Variants in CSMD3 observed in about 807,000 individuals in gnomAD.
CSMD3 encodes the protein CUB and Sushi multiple domains 3, also known as CUB and sushi domain-containing protein 3.
CSMD3 carries 177 observed loss-of-function variants against 435.2 expected under a neutral mutation model. That is an observed-to-expected ratio of 0.41 (90% CI 0.36 to 0.46). The LOEUF is 0.46. Ranked by LOEUF, CSMD3 falls within the 20% of genes least tolerant of loss-of-function variation. The pLI, the probability that CSMD3 is intolerant of heterozygous loss-of-function variation, is 0.34. For missense variants in CSMD3, 4,265 were observed against 4,504.6 expected (o/e 0.95, Z 1.52); for synonymous variants, 1,656 against 1,520.5 (o/e 1.09, Z -2.07).
chr8:113,274,841 A>AAG (rs897384040), intron 3 of CSMD3, among the ~76,000 whole-genome samples: 5 of 143,792 alleles, frequency 3.5e-5, no homozygotes, highest in Non-Finnish European at 6.1e-5. Context: ...CACAGAGAGA[A>AAG]AGAGAGAGAG....
intron 13 of CSMD3, among the ~76,000 whole-genome samples, chr8:112,715,490 G>C (rs1196706306): frequency 6.6e-6 from 1 of 152,148 alleles, no homozygotes; most frequent in Non-Finnish European, 1.5e-5. Flanking sequence ...AATGCTGCCA[G>C]AGGTACAAAG....
intron 63 of CSMD3, among the ~76,000 whole-genome samples, chr8:112,249,275 C>T (rs146397824): frequency 6.6e-6 from 1 of 152,138 alleles, no homozygotes; most frequent in East Asian, 1.9e-4. Context: ...CAGTTTACAT[C>T]CAGTTTTACT....
At chr8:112,806,183 CT>C (rs1165441495) in intron 12 of CSMD3, among the ~76,000 whole-genome samples, 2 of 152,172 alleles carry the variant, frequency 1.3e-5, no homozygotes, top group Admixed American at 6.6e-5. Flanking sequence ...TCCTCGGATC[CT>C]TTTATTTGGT....
intron 12 of CSMD3, among the ~76,000 whole-genome samples, chr8:112,805,768 T>C (rs984017864): frequency 3.3e-5 from 5 of 152,228 alleles, no homozygotes; most frequent in African/African-American, 1.2e-4. Flanking sequence ...GCTGTTTTAC[T>C]TAGAAAGGAG....
At chr8:112,939,734 C>T (rs2083392532) in intron 9 of CSMD3, among the ~76,000 whole-genome samples, 1 of 151,790 alleles carries the variant, frequency 6.6e-6, no homozygotes, top group South Asian at 2.1e-4. Context: ...GAAAGGAGAT[C>T]AGATTCTTGA....
intron 24 of CSMD3, among the ~76,000 whole-genome samples, chr8:112,557,497 C>G (rs899447846): frequency 1.3e-5 from 2 of 151,878 alleles, no homozygotes; most frequent in African/African-American, 4.8e-5. Flanking sequence ...CAGTGCCGTC[C>G]CCATGGCCGG....
chr8:113,112,025 T>G (rs2131599543), intron 4 of CSMD3, among the ~76,000 whole-genome samples: 1 of 152,134 alleles, frequency 6.6e-6, no homozygotes, highest in East Asian at 1.9e-4. Context: ...CTTCTTCTTC[T>G]TACTCCCTAA....
Position 112,241,845 on chromosome 8 carries a change from C to CACAT in CSMD3, c.10403-61_10403-60insATGT, listed in dbSNP as rs1457542162. 102 of 725,190 alleles carry CACAT rather than the reference C, an allele frequency of 1.4e-4. 3 individuals are homozygous for CACAT. The highest frequency in any genetic ancestry group is 2.4e-4 in the Non-Finnish European group (98 of 411,266). The allele number at this position is 725,190 out of a possible 1,614,324, so 44.9% of individuals were successfully genotyped here. A position where few individuals can be genotyped will look rare whatever the true frequency, so the allele number is the denominator to read the frequency against. On this transcript the variant is annotated intron_variant, in intron 65 of 70. Coordinates refer to ENST00000297405, the MANE Select transcript of CSMD3 (RefSeq NM_198123.2). ...ATGCAATTAATTACATACACATGCG[C>CACAT]ACACACACACACGCACACACACACA... is the stretch of plus-strand genomic sequence containing the variant.
intron 1 of CSMD3, among the ~76,000 whole-genome samples, chr8:113,359,592 A>C (rs2094257575): frequency 6.6e-6 from 1 of 152,216 alleles, no homozygotes; most frequent in Non-Finnish European, 1.5e-5. Flanking sequence ...AGAGAACAGC[A>C]AACATTCTTC....
At chr8:112,241,183 T>C (rs1814098009) in intron 66 of CSMD3, among the ~76,000 whole-genome samples, 1 of 151,980 alleles carries the variant, frequency 6.6e-6, no homozygotes, top group African/African-American at 2.4e-5. Flanking sequence ...TTCAGATATA[T>C]AAAATAATTT....
chr8:113,070,070 A>G (rs2131399468), intron 5 of CSMD3, among the ~76,000 whole-genome samples: 1 of 152,208 alleles, frequency 6.6e-6, no homozygotes, highest in East Asian at 1.9e-4. Flanking sequence ...GATGGCTTTC[A>G]TTATCATTCT....
chr8:113,357,379 G>A (rs1314311120), intron 1 of CSMD3, among the ~76,000 whole-genome samples: 1 of 152,146 alleles, frequency 6.6e-6, no homozygotes, highest in Non-Finnish European at 1.5e-5. Context: ...ATCCAGACAT[G>A]ATCTAAACCA....
chr8:112,584,970 G>T (rs1830609027), intron 23 of CSMD3, among the ~76,000 whole-genome samples: 1 of 151,256 alleles, frequency 6.6e-6, no homozygotes, highest in Non-Finnish European at 1.5e-5. Context: ...CTTTTTGAGG[G>T]TTCATCTTTC....
At chr8:112,405,212 C>CAAAAAA (rs1563904189) in intron 35 of CSMD3, among the ~76,000 whole-genome samples, 1 of 33,096 alleles carries the variant, frequency 3.0e-5, no homozygotes, top group African/African-American at 1.3e-4. Flanking sequence ...AAAAAAAACC[C>CAAAAAA]CCATATATAT....
intron 13 of CSMD3, among the ~76,000 whole-genome samples, chr8:112,745,669 C>CT (rs145001854): frequency 7.6e-4 from 115 of 151,278 alleles, no homozygotes; most frequent in Admixed American, 3.1e-3. Context: ...TTCTAAGTTT[C>CT]TTTTTTTTGT....
chr8:113,286,706 T>TAA (rs143953579), intron 2 of CSMD3, among the ~76,000 whole-genome samples: 205 of 146,924 alleles, frequency 1.4e-3, no homozygotes, highest in African/African-American at 4.8e-3. Context: ...TCTAAGAATG[T>TAA]AAAAAAAAAA....
At chr8:112,980,360 A>G (rs186860471) in intron 6 of CSMD3, among the ~76,000 whole-genome samples, 5 of 151,488 alleles carry the variant, frequency 3.3e-5, no homozygotes, top group Admixed American at 3.3e-4. Flanking sequence ...TGTTACATAA[A>G]TTAGTTTAAT....
chr8:112,897,136 G>C (rs2081970582), intron 10 of CSMD3, among the ~76,000 whole-genome samples: 2 of 151,312 alleles, frequency 1.3e-5, no homozygotes, highest in Admixed American at 6.6e-5. Flanking sequence ...AATCCCCCAT[G>C]TAATATTTTT....
intron 32 of CSMD3, among the ~76,000 whole-genome samples, chr8:112,455,701 C>T (rs1239517265): frequency 3.3e-5 from 5 of 150,324 alleles, no homozygotes; most frequent in South Asian, 2.1e-4. Flanking sequence ...TTTTTTTCAA[C>T]GTGCTCATTT....
Sources: allele counts gnomAD v4.1 joint callset (sites outside exome capture counted in the v4.1 genomes callset), GRCh38; gene constraint gnomAD v4.1.1; transcripts MANE v1.5; gene names NCBI Gene and HGNC (gene_info 2026-07-23, HGNC 2026-07-21).